The following CSGALNACT1 variants were observed in gnomAD, a reference collection of about 807,000 sequenced individuals.
CSGALNACT1 encodes chondroitin sulfate N-acetylgalactosaminyltransferase 1.
Under a neutral mutation model 51.0 loss-of-function variants are expected in CSGALNACT1, and 52 were observed. The ratio of observed to expected loss-of-function variants is 1.02; its 90% CI spans 0.82 to 1.29. The LOEUF is 1.29. Ranked by LOEUF, CSGALNACT1 falls within the 50% of genes most tolerant of loss-of-function variation. The probability of loss-of-function intolerance (pLI) is 0.00; values close to 1 mark genes in which losing one functional copy is unlikely to be tolerated. For synonymous variants in CSGALNACT1, 341 were observed against 254.4 expected (o/e 1.34, Z -3.24); for missense variants, 935 against 679.2 (o/e 1.38, Z -4.19).
At chr8:19,694,390 C>G (rs2061483696) in intron 1 of CSGALNACT1, among the ~76,000 whole-genome samples, 1 of 152,190 alleles carries the variant, frequency 6.6e-6, no homozygotes. Flanking sequence ...TTCCAAAATA[C>G]ATTGTTGAAT....
chr8:19,656,597 C>CG (rs201265617), intron 1 of CSGALNACT1, among the ~76,000 whole-genome samples: 1,163 of 106,534 alleles, frequency 0.011, 16 homozygotes, highest in African/African-American at 0.032. Context: ...CTACGCCCCC[C>CG]CCCCACACAC....
intron 3 of CSGALNACT1, among the ~76,000 whole-genome samples, chr8:19,582,328 G>A (rs4606078): frequency 0.5 from 75,636 of 152,134 alleles, 20,731 homozygotes; most frequent in East Asian, 0.96. Context: ...TCCAATGAAA[G>A]ACTACTTAGA....
chr8:19,412,796 G>A (rs1383915375), intron 8 of CSGALNACT1, among the ~76,000 whole-genome samples: 1 of 152,102 alleles, frequency 6.6e-6, no homozygotes, highest in Non-Finnish European at 1.5e-5. Context: ...GACTCCCTGA[G>A]CTATGAGGAC....
At chr8:19,616,385 T>C (rs557000032) in intron 1 of CSGALNACT1, among the ~76,000 whole-genome samples, 2 of 152,186 alleles carry the variant, frequency 1.3e-5, no homozygotes, top group South Asian at 4.1e-4. Context: ...CATCCCAAGG[T>C]ACTGATGAGG....
chr8:19,686,008 C>G (rs2060955376), upstream of CSGALNACT1, among the ~76,000 whole-genome samples: 1 of 152,224 alleles, frequency 6.6e-6, no homozygotes, highest in South Asian at 2.1e-4. Context: ...TCTTGGTGGA[C>G]TGTGACGTGT....
intron 5 of CSGALNACT1, among the ~76,000 whole-genome samples, chr8:19,449,380 G>A (rs2062686407): frequency 6.6e-6 from 1 of 152,134 alleles, no homozygotes; most frequent in South Asian, 2.1e-4. Flanking sequence ...AAGGATGGCA[G>A]GAGAACTAGA....
intron 3 of CSGALNACT1, among the ~76,000 whole-genome samples, chr8:19,553,431 C>T (rs934337116): frequency 1.3e-5 from 2 of 151,820 alleles, no homozygotes; most frequent in African/African-American, 4.8e-5. Flanking sequence ...TAAGAAAGCA[C>T]TCTATCTTCT....
At chr8:19,673,943 G>C (rs10102874) in intron 1 of CSGALNACT1, among the ~76,000 whole-genome samples, 8,947 of 152,200 alleles carry the variant, frequency 0.059, 302 homozygotes, top group Middle Eastern at 0.1. Context: ...TAAATGCAGA[G>C]AACTTGTCAT....
At position 19,476,621 on chromosome 8, in the gene CSGALNACT1, A is replaced by G. The variant is rs113176340; in HGVS notation, c.635-17979T>C. Among the ~76,000 whole-genome samples, 459 of 152,292 alleles carry G rather than the reference A, an allele frequency of 3.0e-3. 6 individuals are homozygous for G. Among genetic ancestry groups the G allele is most frequent in the African/African-American group, 0.011 (438 of 41,560 alleles). Reference sequence around the variant, plus strand: ...CCCTCCTCTTGAATCACAGGGGCCTATAACTGCATGACCTAAGAGAAGAGA... The same window carrying G: ...CCCTCCTCTTGAATCACAGGGGCCTGTAACTGCATGACCTAAGAGAAGAGA... On this transcript the variant is annotated intron_variant, in intron 4 of 9. Coordinates refer to ENST00000454498, the Ensembl canonical transcript of CSGALNACT1.
intron 1 of CSGALNACT1, among the ~76,000 whole-genome samples, chr8:19,681,483 T>C (rs543511865): frequency 1.3e-3 from 202 of 152,164 alleles, no homozygotes; most frequent in African/African-American, 4.5e-3. Flanking sequence ...ACTGGGGACC[T>C]AGGGACCTGG....
At chr8:19,425,577 G>A (rs529386279) in intron 6 of CSGALNACT1, among the ~76,000 whole-genome samples, 1 of 152,286 alleles carries the variant, frequency 6.6e-6, no homozygotes, top group East Asian at 1.9e-4. Flanking sequence ...AGCCTCACAA[G>A]AGTGGAAGCA....
At chr8:19,501,757 G>T (rs1311966684) in intron 4 of CSGALNACT1, among the ~76,000 whole-genome samples, 1 of 152,190 alleles carries the variant, frequency 6.6e-6, no homozygotes, top group Non-Finnish European at 1.5e-5. Context: ...GCCAAAATAT[G>T]TGCCACTTAG....
exon 2 of CSGALNACT1, chr8:19,601,785 A>C (rs1370837974): frequency 8.8e-6 from 4 of 453,484 alleles, no homozygotes; most frequent in Non-Finnish European, 1.8e-5. Flanking sequence ...GGGTTCAAGA[A>C]GGGAAGGTTA....
chr8:19,657,961 T>C (rs1371912616), intron 1 of CSGALNACT1, among the ~76,000 whole-genome samples: 1 of 151,950 alleles, frequency 6.6e-6, no homozygotes, highest in African/African-American at 2.4e-5. Context: ...CTAGCTGATA[T>C]TTTAAGGTCT....
chr8:19,647,738 G>A (rs547057827), intron 1 of CSGALNACT1, among the ~76,000 whole-genome samples: 4 of 152,272 alleles, frequency 2.6e-5, no homozygotes, highest in African/African-American at 7.2e-5. Flanking sequence ...CAAGTCATAC[G>A]ATACAGGATA....
chr8:19,603,047 T>TACACAC (rs5889877), upstream of CSGALNACT1, among the ~76,000 whole-genome samples: 768 of 123,086 alleles, frequency 6.2e-3, 9 homozygotes, highest in African/African-American at 0.021. Flanking sequence ...ACTGTGTGTA[T>TACACAC]ACACACACAC....
At chr8:19,631,035 C>T (rs1172462449) in intron 1 of CSGALNACT1, among the ~76,000 whole-genome samples, 2 of 152,240 alleles carry the variant, frequency 1.3e-5, no homozygotes, top group East Asian at 3.9e-4. Flanking sequence ...TGATATGTAT[C>T]TAATGTTAGC....
At chr8:19,538,107 A>G (rs1382786051) in intron 3 of CSGALNACT1, among the ~76,000 whole-genome samples, 1 of 152,072 alleles carries the variant, frequency 6.6e-6, no homozygotes, top group Non-Finnish European at 1.5e-5. Context: ...GCTTGAGGCC[A>G]GGAGTTCAAG....
At chr8:19,592,769 C>G (rs1021627224) in intron 2 of CSGALNACT1, among the ~76,000 whole-genome samples, 14 of 151,680 alleles carry the variant, frequency 9.2e-5, no homozygotes, top group African/African-American at 3.4e-4. Context: ...GACCCTGTCT[C>G]TAATGAAAAA....
Sources: allele counts gnomAD v4.1 joint callset (sites outside exome capture counted in the v4.1 genomes callset), GRCh38; gene constraint gnomAD v4.1.1; transcripts MANE v1.5; gene names NCBI Gene and HGNC (gene_info 2026-07-23, HGNC 2026-07-21).